Variants in LDLRAD4 observed in about 807,000 individuals in gnomAD.
LDLRAD4 encodes the protein low-density lipoprotein receptor class A domain-containing protein 4.
In LDLRAD4, 5 loss-of-function variants were observed where a neutral mutation model predicts 17.0. That is an observed-to-expected ratio of 0.29 (90% CI 0.15 to 0.62). LDLRAD4 has a LOEUF of 0.62. Among genes scored for constraint, LDLRAD4 ranks in the 20% least tolerant of loss-of-function variants. The pLI is 0.84. For synonymous variants in LDLRAD4, 168 were observed against 171.8 expected (o/e 0.98, Z 0.17); for missense variants, 340 against 424.7 (o/e 0.80, Z 1.75).
chr18:13,234,050 C>T (rs2042214750), intron 1 of LDLRAD4, among the ~76,000 whole-genome samples: 3 of 152,224 alleles, frequency 2.0e-5, no homozygotes, highest in South Asian at 4.1e-4. Flanking sequence ...CTGCCTCCAG[C>T]GTTCGTCCCA....
chr18:13,355,454 A>T (rs1481804058), intron 1 of LDLRAD4, among the ~76,000 whole-genome samples: 1 of 152,250 alleles, frequency 6.6e-6, no homozygotes, highest in Non-Finnish European at 1.5e-5. Context: ...TGAGGGAGTC[A>T]GTGGCTCATT....
chr18:13,643,295 G>A (rs2148992600), intron 4 of LDLRAD4, 64 bp from the exon 6 acceptor site: 1 of 1,058,032 alleles, frequency 9.5e-7, no homozygotes, highest in Non-Finnish European at 1.4e-6. Context: ...TTTAGGTGCG[G>A]CGGGGCTAAT....
intron 1 of LDLRAD4, among the ~76,000 whole-genome samples, chr18:13,263,462 G>A (rs1567946504): frequency 6.6e-6 from 1 of 152,202 alleles, no homozygotes; most frequent in Admixed American, 6.5e-5. Context: ...GAGGGCACGG[G>A]ATTGCAGCTA....
chr18:13,652,304 T>C (rs747877737), exon 6 of LDLRAD4: 4 of 152,268 alleles, frequency 2.6e-5, no homozygotes, highest in Non-Finnish European at 5.9e-5. Context: ...ATTTTTCATT[T>C]CATAGCTTTC....
At chr18:13,504,279 G>A (rs1202100055) in intron 3 of LDLRAD4, among the ~76,000 whole-genome samples, 3 of 152,166 alleles carry the variant, frequency 2.0e-5, no homozygotes, top group East Asian at 1.9e-4. Flanking sequence ...GGGTTGCTCC[G>A]GTTCACAGGT....
At chr18:13,433,266 C>T (rs2090457983) in intron 2 of LDLRAD4, among the ~76,000 whole-genome samples, 1 of 152,174 alleles carries the variant, frequency 6.6e-6, no homozygotes, top group South Asian at 2.1e-4. Flanking sequence ...AGGTTCTAGA[C>T]TTTAATGTCA....
Position 13,416,156 on chromosome 18 carries a change from G to A in LDLRAD4, c.41-22088G>A, listed in dbSNP as rs528213443. ...CACGTGGGCTATTCTGAGCTATGGC[G>A]AGTCATCATCCTCAGTTTCCCTTTG... On this transcript the variant is annotated intron_variant, in intron 2 of 5. Transcript: ENST00000359446. Among the ~76,000 whole-genome samples the A allele has an allele frequency of 2.6e-5, 4 of 152,310 alleles. 1 individual carries two copies. The highest frequency in any genetic ancestry group is 9.6e-5 in the African/African-American group (4 of 41,576).
chr18:13,228,584 T>G (rs2041923615), intron 1 of LDLRAD4, among the ~76,000 whole-genome samples: 1 of 152,150 alleles, frequency 6.6e-6, no homozygotes, highest in East Asian at 1.9e-4. Flanking sequence ...CGGTTGAACA[T>G]TTGTTTTTCT....
At chr18:13,414,503 G>A (rs12968687) in intron 2 of LDLRAD4, among the ~76,000 whole-genome samples, 126,789 of 152,246 alleles carry the variant, frequency 0.83, 55,194 homozygotes, top group Non-Finnish European at 0.97. Flanking sequence ...ACAAAGAGGA[G>A]TCATGTTTCC....
intron 1 of LDLRAD4, chr18:13,362,637 A>T (rs1280503929): frequency 6.6e-6 from 1 of 152,258 alleles, no homozygotes; most frequent in African/African-American, 2.4e-5. Flanking sequence ...AACAAGTGGA[A>T]AATTTAAAAG....
chr18:13,441,386 G>A (rs780810340), intron 3 of LDLRAD4, among the ~76,000 whole-genome samples: 14 of 152,346 alleles, frequency 9.2e-5, no homozygotes, highest in Non-Finnish European at 1.8e-4. Context: ...CGGAATCAGA[G>A]TATCCCACGA....
intron 3 of LDLRAD4, among the ~76,000 whole-genome samples, chr18:13,571,064 C>T (rs1601462574): frequency 6.6e-6 from 1 of 152,180 alleles, no homozygotes; most frequent in Non-Finnish European, 1.5e-5. Flanking sequence ...AAGCGATCCT[C>T]CCGCCTCAGC....
At chr18:13,347,850 C>T (rs1368368724) in intron 1 of LDLRAD4, among the ~76,000 whole-genome samples, 1 of 152,176 alleles carries the variant, frequency 6.6e-6, no homozygotes, top group Non-Finnish European at 1.5e-5. Flanking sequence ...ACCCTTTCTT[C>T]CAGTTGATCG....
At chr18:13,463,523 T>G (rs1244365278) in intron 3 of LDLRAD4, among the ~76,000 whole-genome samples, 1 of 152,246 alleles carries the variant, frequency 6.6e-6, no homozygotes, top group Non-Finnish European at 1.5e-5. Flanking sequence ...CATATTCTCA[T>G]CTCCCAAATT....
chr18:13,648,343 G>C (rs1362404964), exon 6 of LDLRAD4: 1 of 152,194 alleles, frequency 6.6e-6, no homozygotes, highest in African/African-American at 2.4e-5. Flanking sequence ...CTAGAGAACT[G>C]CCTTTGTTAA....
intron 3 of LDLRAD4, among the ~76,000 whole-genome samples, chr18:13,560,447 A>G (rs931396851): frequency 6.6e-6 from 1 of 152,192 alleles, no homozygotes; most frequent in Non-Finnish European, 1.5e-5. Flanking sequence ...AGGGACCTGC[A>G]TCGTACCTGA....
At chr18:13,234,196 G>C (rs2042222534) in intron 1 of LDLRAD4, among the ~76,000 whole-genome samples, 1 of 152,162 alleles carries the variant, frequency 6.6e-6, no homozygotes, top group African/African-American at 2.4e-5. Flanking sequence ...AGTGACCCTT[G>C]TAATCCCTGA....
At chr18:13,520,967 T>C (rs2093944506) in intron 3 of LDLRAD4, 1 of 152,230 alleles carries the variant, frequency 6.6e-6, no homozygotes, top group East Asian at 1.9e-4. Context: ...CGGCACCTCT[T>C]GGACAGGCCA....
At chr18:13,519,809 T>G (rs2093926049) in intron 3 of LDLRAD4, 1 of 152,138 alleles carries the variant, frequency 6.6e-6, no homozygotes, top group Admixed American at 6.5e-5. Context: ...CCATACCTCA[T>G]GTTATCTCAG....
Sources: gnomAD v4.1 joint callset for allele counts (sites outside exome capture counted in the v4.1 genomes callset) on GRCh38, gnomAD v4.1.1 for gene constraint, MANE v1.5 for transcripts, NCBI Gene and HGNC (gene_info 2026-07-23, HGNC 2026-07-21) for gene names.